TP53INP1: variants seen among roughly 807,000 people sequenced by gnomAD.
TP53INP1 encodes tumor protein p53 inducible nuclear protein 1.
Under a neutral mutation model 21.0 loss-of-function variants are expected in TP53INP1, and 12 were observed. The ratio of observed to expected loss-of-function variants is 0.57; its 90% CI spans 0.37 to 0.93. The LOEUF is 0.93. TP53INP1 is among the 40% of genes least tolerant of loss of function. The probability of loss-of-function intolerance (pLI) is 0.01; values close to 1 mark genes in which losing one functional copy is unlikely to be tolerated. For missense variants in TP53INP1, 274 were observed against 294.7 expected (o/e 0.93, Z 0.51); for synonymous variants, 91 against 94.8 (o/e 0.96, Z 0.23).
chr8:94,942,199 G>A (rs1370228449), intron 1 of TP53INP1, among the ~76,000 whole-genome samples: 2 of 151,836 alleles, frequency 1.3e-5, no homozygotes, highest in African/African-American at 4.8e-5. Flanking sequence ...ACCACATCCG[G>A]CTAATTTCTT....
At chr8:94,936,784 C>T (rs1821017527) in intron 3 of TP53INP1, among the ~76,000 whole-genome samples, 4 of 152,164 alleles carry the variant, frequency 2.6e-5, no homozygotes, top group African/African-American at 4.8e-5. Flanking sequence ...GATATATCTC[C>T]GTGTGCTCCC....
At chr8:94,948,289 C>A (rs867256304) in intron 1 of TP53INP1, among the ~76,000 whole-genome samples, 1 of 152,122 alleles carries the variant, frequency 6.6e-6, no homozygotes, top group Admixed American at 6.5e-5. Context: ...TCTCTCTGTG[C>A]CTCGGGTTTC....
intron 1 of TP53INP1, among the ~76,000 whole-genome samples, chr8:94,943,639 A>T (rs1332525524): frequency 6.6e-6 from 1 of 152,236 alleles, no homozygotes; most frequent in Non-Finnish European, 1.5e-5. Flanking sequence ...CTGTAAAAGT[A>T]GTTGGGATCT....
At chr8:94,948,634 G>A (rs1245878763) in intron 1 of TP53INP1, among the ~76,000 whole-genome samples, 6 of 152,188 alleles carry the variant, frequency 3.9e-5, no homozygotes, top group Non-Finnish European at 8.8e-5. Flanking sequence ...GGCGGGGACA[G>A]AGCGCCGGGC....
In TP53INP1 at chr8:94,930,494, A is replaced by G. The variant is rs1229899317; in HGVS notation, c.708T>C (p.Arg236=). ...CTTGAAACTATTAGTAATTGTACTG[A>G]CGCGGGCAGGGCTGATGAACAACCC... The part of the protein sequence containing the change: ...NGWVVHQPCP[R]QYNY Residue 236 remains arginine (R), a synonymous_variant, in exon 4 of 4, where the codon CGT becomes CGC. Transcript: ENST00000342697. The G allele has an allele frequency of 1.8e-5, 29 of 1,614,134 alleles. No individual in the cohort carries two copies. Among genetic ancestry groups the G allele is most frequent in the Non-Finnish European group, 2.4e-5 (28 of 1,180,050 alleles).
chr8:94,932,904 A>G (rs1430877600), intron 3 of TP53INP1, among the ~76,000 whole-genome samples: 1 of 152,250 alleles, frequency 6.6e-6, no homozygotes, highest in Non-Finnish European at 1.5e-5. Context: ...CCTGTGTACA[A>G]AAAGGATTCA....
chr8:94,932,271 T>C (rs1820485151), intron 3 of TP53INP1, among the ~76,000 whole-genome samples: 1 of 152,120 alleles, frequency 6.6e-6, no homozygotes, highest in Admixed American at 6.5e-5. Context: ...TCAAAAACAA[T>C]ACTTATAAAG....
intron 1 of TP53INP1, among the ~76,000 whole-genome samples, chr8:94,941,343 T>C (rs1370723399): frequency 6.6e-6 from 1 of 152,194 alleles, no homozygotes; most frequent in African/African-American, 2.4e-5. Context: ...TTCATATTTA[T>C]GCTTTTATAA....
chr8:94,946,283 G>A (rs1392824608), intron 1 of TP53INP1, among the ~76,000 whole-genome samples: 1 of 152,032 alleles, frequency 6.6e-6, no homozygotes, highest in African/African-American at 2.4e-5. Flanking sequence ...AATACTCACG[G>A]GGAAGAGCAT....
chr8:94,937,458 C>T (rs2131350764), intron 3 of TP53INP1, among the ~76,000 whole-genome samples: 1 of 150,842 alleles, frequency 6.6e-6, no homozygotes, highest in African/African-American at 2.4e-5. Context: ...AAAAAAAACC[C>T]AAAAACAAAA....
rs563445319 is a variant in TP53INP1, at chr8:94,940,180, CTCTTCTTCT to C, written c.144_152del (p.Glu50_Glu52del). The C allele has an allele frequency of 1.2e-6, 2 of 1,609,300 alleles. No homozygotes were observed. The highest frequency in any genetic ancestry group is 1.7e-4 in the Middle Eastern group (1 of 6,042). On this transcript the variant is annotated inframe_deletion, in exon 3 of 4. Transcript: ENST00000342697. Reference sequence around the variant, plus strand: ...TAGGTGACTCTTCACTGATGTCCTCCTCTTCTTCTTCTTCTTCTGCTGAGAAACCAGTGC... The same window carrying C: ...TAGGTGACTCTTCACTGATGTCCTCCTCTTCTTCTGCTGAGAAACCAGTGC...
intron 3 of TP53INP1, among the ~76,000 whole-genome samples, chr8:94,930,994 C>G (rs764697227): frequency 2.3e-4 from 35 of 152,180 alleles, no homozygotes; most frequent in Non-Finnish European, 4.3e-4. Context: ...ACACTTTAAA[C>G]TTTGAATTTC....
At chr8:94,948,962 C>A (rs907388258) in intron 1 of TP53INP1, among the ~76,000 whole-genome samples, 192 bp downstream of exon 1, 1 of 150,606 alleles carries the variant, frequency 6.6e-6, no homozygotes, top group South Asian at 2.1e-4. Flanking sequence ...GAGGACCGAC[C>A]CACTGGGTGG....
intron 3 of TP53INP1, among the ~76,000 whole-genome samples, chr8:94,936,895 A>C (rs892940988): frequency 6.6e-6 from 1 of 152,132 alleles, no homozygotes; most frequent in Non-Finnish European, 1.5e-5. Flanking sequence ...ACAAATACCA[A>C]TGAGAACCGT....
chr8:94,933,848 GGAT>G lies in TP53INP1; in HGVS notation c.474-3123_474-3121del, dbSNP rs1369512840. ...CCAGCACTTTGTGGGGGGGGGGGGA[GGAT>G]CACGAGGTCAGGAGTTCAAGACCAG... On this transcript the variant is annotated intron_variant, in intron 3 of 3. Coordinates refer to ENST00000342697, the MANE Select transcript of TP53INP1 (RefSeq NM_033285.4). 4.3e-4 allele frequency among the ~76,000 whole-genome samples: 62 copies of G among 143,332 alleles called. 1 individual carries two copies. The highest frequency in any genetic ancestry group is 1.6e-3 in the African/African-American group (61 of 38,748). The allele number at this position is 143,332 out of a possible 152,430, so 94.0% of individuals were successfully genotyped here. A position where few individuals can be genotyped will look rare whatever the true frequency, so the allele number is the denominator to read the frequency against.
In TP53INP1 at chr8:94,929,702, T is replaced by C. The variant is rs1820209875; in HGVS notation, c.*777A>G. 1 of 152,244 alleles carries C rather than the reference T, an allele frequency of 6.6e-6. No individual in the cohort carries two copies. The highest frequency in any genetic ancestry group is 1.5e-5 in the Non-Finnish European group (1 of 68,054). The allele number at this position is 152,244 out of a possible 1,614,324, so 9.4% of individuals were successfully genotyped here. A position where few individuals can be genotyped will look rare whatever the true frequency, so the allele number is the denominator to read the frequency against. ...GAAGGAATAGTAACAAATTAAATAC[T>C]GCACTAATGGGTTAGTTACAGACAT... On this transcript the variant is annotated 3_prime_UTR_variant, in exon 4 of 4. Coordinates refer to ENST00000342697, the MANE Select transcript of TP53INP1 (RefSeq NM_033285.4).
intron 3 of TP53INP1, among the ~76,000 whole-genome samples, chr8:94,931,087 T>G (rs1284805288): frequency 6.6e-6 from 1 of 152,238 alleles, no homozygotes; most frequent in Admixed American, 6.5e-5. Flanking sequence ...CCAATTCTTT[T>G]GCAAATATAT....
At chr8:94,932,988 G>A (rs887293546) in intron 3 of TP53INP1, among the ~76,000 whole-genome samples, 2 of 152,090 alleles carry the variant, frequency 1.3e-5, no homozygotes, top group Non-Finnish European at 2.9e-5. Flanking sequence ...AGGTCAAGGT[G>A]GGCGGATCAC....
In TP53INP1 at chr8:94,940,171, G is replaced by C; in HGVS notation, c.162C>G (p.Ile54Met). The C allele has an allele frequency of 1.2e-6, 2 of 1,614,004 alleles. No individual in the cohort carries two copies. The highest frequency in any genetic ancestry group is 1.7e-6 in the Non-Finnish European group (2 of 1,179,912). Reference sequence around the variant, plus strand: ...GGTGCTCAGTAGGTGACTCTTCACTGATGTCCTCCTCTTCTTCTTCTTCTT... The same window carrying C: ...GGTGCTCAGTAGGTGACTCTTCACTCATGTCCTCCTCTTCTTCTTCTTCTT... ...SAEEEEEEED[I>M]SEESPTEHPS... is the part of the protein sequence containing the mutation. Residue 54 changes from isoleucine (I) to methionine (M), a missense_variant, in exon 3 of 4, where the codon ATC becomes ATG. Coordinates refer to ENST00000342697, the MANE Select transcript of TP53INP1 (RefSeq NM_033285.4).
Sources: allele counts gnomAD v4.1 joint callset (sites outside exome capture counted in the v4.1 genomes callset), GRCh38; gene constraint gnomAD v4.1.1; transcripts MANE v1.5; gene names NCBI Gene and HGNC (gene_info 2026-07-23, HGNC 2026-07-21).